ARHGAP39: variants seen among roughly 807,000 people sequenced by gnomAD.
ARHGAP39 encodes the protein Rho GTPase activating protein 39.
A neutral mutation model predicts 106.9 loss-of-function variants in ARHGAP39; 44 were observed. That is an observed-to-expected ratio of 0.41 (90% confidence interval 0.32 to 0.53). The LOEUF is 0.53. Ranked by LOEUF, ARHGAP39 falls within the 20% of genes least tolerant of loss-of-function variation. The probability of loss-of-function intolerance (pLI) is 0.21; values close to 1 mark genes in which losing one functional copy is unlikely to be tolerated. For synonymous variants in ARHGAP39, 768 were observed against 693.2 expected, an observed-to-expected ratio of 1.11 and a Z score of -1.69; for missense variants, 1,496 against 1,577.3, an observed-to-expected ratio of 0.95 and a Z score of 0.87.
At chr8:144,572,745 A>G (rs1818629514) in intron 3 of ARHGAP39, among the ~76,000 whole-genome samples, 1 of 152,244 alleles carries the variant, frequency 6.6e-6, no homozygotes, top group African/African-American at 2.4e-5. Context: ...AAGGGCTAAT[A>G]TCCAGAATCT....
At chr8:144,686,202 T>G (rs1046212916), upstream of ARHGAP39, among the ~76,000 whole-genome samples, 3 of 152,066 alleles carry the variant, frequency 2.0e-5, no homozygotes, top group Non-Finnish European at 4.4e-5. Context: ...GAGATTTCAC[T>G]TTTCTTCGAC....
Position 144,671,496 on chromosome 8 carries a change from C to T in ARHGAP39, c.-82+14190G>A, listed in dbSNP as rs1822098764. Among the ~76,000 whole-genome samples, 1 of 152,240 alleles carries T rather than the reference C, an allele frequency of 6.6e-6. No individual in the cohort carries two copies. Among genetic ancestry groups the T allele is most frequent in the East Asian group, 1.9e-4 (1 of 5,194 alleles). ...CTCTACACGCTGCAAACACCACCCTCCCACCTGCTCCCTGACCCCCAGATG... is the reference window on the plus strand; with the variant it reads ...CTCTACACGCTGCAAACACCACCCTTCCACCTGCTCCCTGACCCCCAGATG... On this transcript the variant is annotated intron_variant, in intron 1 of 11. Transcript: ENST00000377307. The surrounding 1 kb of genome is among the most constrained non-coding windows in gnomAD (Gnocchi z 4.5).
At position 144,591,727 on chromosome 8, in the gene ARHGAP39, C is replaced by T. The variant is rs560815009; in HGVS notation, c.81-10450G>A. ...TCAGGTCTGGGGTCAGAACTCAGGACGCACACCAAGGACAGGACCACATGG... is the reference window on the plus strand; with the variant it reads ...TCAGGTCTGGGGTCAGAACTCAGGATGCACACCAAGGACAGGACCACATGG... On this transcript the variant is annotated intron_variant, in intron 2 of 11. Transcript: ENST00000377307. The surrounding 1 kb of genome is among the most constrained non-coding windows in gnomAD (Gnocchi z 5.3). 1.1e-4 allele frequency among the ~76,000 whole-genome samples: 17 copies of T among 152,220 alleles called. No individual in the cohort carries two copies. Among genetic ancestry groups the T allele is most frequent in the Non-Finnish European group, 1.9e-4 (13 of 68,030 alleles).
chr8:144,673,658 C>T lies in ARHGAP39; in HGVS notation c.-82+12028G>A, dbSNP rs543006271. The stretch of plus-strand genomic sequence containing the variant: ...ATCCTTGGGGTGTCGCTTCACCAGC[C>T]AGAAACCGCTGTGGCCAGTGGTGCC... On this transcript the variant is annotated intron_variant, in intron 1 of 11. Transcript: ENST00000377307. 3.4e-4 allele frequency among the ~76,000 whole-genome samples: 51 copies of T among 152,210 alleles called. 1 individual carries two copies. Among genetic ancestry groups the T allele is most frequent in the Admixed American group, 6.5e-4 (10 of 15,282 alleles).
chr8:144,647,026 C>T lies in ARHGAP39; in HGVS notation c.-82+38660G>A, dbSNP rs1278746013. Among the ~76,000 whole-genome samples, 10 of 144,888 alleles carry T rather than the reference C, an allele frequency of 6.9e-5. No homozygotes were observed. The highest frequency in any genetic ancestry group is 1.2e-4 in the Non-Finnish European group (8 of 67,192). ...GCTTTATAGCCAGGCTGGAGTACAA[C>T]GACACCATCTCGGCTCACTGCAAGC... On this transcript the variant is annotated intron_variant, in intron 1 of 11. Coordinates refer to ENST00000377307, the MANE Select transcript of ARHGAP39 (RefSeq NM_025251.3). This position sits in a 1 kb window ranked among gnomAD's most constrained non-coding sequence, Gnocchi z 4.8.
At chr8:144,652,030 A>C (rs1821586163) in intron 1 of ARHGAP39, among the ~76,000 whole-genome samples, 1 of 152,216 alleles carries the variant, frequency 6.6e-6, no homozygotes, top group Non-Finnish European at 1.5e-5. Context: ...TTCATAACAC[A>C]GATACAAAAA....
chr8:144,544,541 G>T (rs1817327104), intron 6 of ARHGAP39, among the ~76,000 whole-genome samples: 1 of 152,248 alleles, frequency 6.6e-6, no homozygotes, highest in African/African-American at 2.4e-5. Context: ...GTGCCCTGTA[G>T]ATACCCATGA....
intron 1 of ARHGAP39, among the ~76,000 whole-genome samples, chr8:144,658,751 G>A (rs1398324248): frequency 1.3e-5 from 2 of 152,062 alleles, no homozygotes; most frequent in African/African-American, 4.8e-5. Context: ...GTCCTAGCCA[G>A]TGCAATAAGG....
intron 2 of ARHGAP39, among the ~76,000 whole-genome samples, chr8:144,594,088 C>CAAAAAAA (rs149748913): frequency 1.8e-5 from 1 of 56,914 alleles, no homozygotes. Context: ...GACTCCGTCT[C>CAAAAAAA]AAAAAAAAAA....
intron 2 of ARHGAP39, among the ~76,000 whole-genome samples, chr8:144,602,327 G>A (rs536804894): frequency 4.1e-4 from 59 of 143,542 alleles, no homozygotes; most frequent in African/African-American, 1.3e-3. Context: ...GGAGGCGTGC[G>A]TGCGAGCTCG....
Position 144,530,133 on chromosome 8 carries a change from G to A in ARHGAP39, c.*289C>T. 1 of 454,200 alleles carries A rather than the reference G, an allele frequency of 2.2e-6. No individual in the cohort carries two copies. Among genetic ancestry groups the A allele is most frequent in the South Asian group, 2.9e-5 (1 of 34,174 alleles). 28.1% of individuals were successfully genotyped at this position (454,200 alleles called of 1,614,324 possible). ...CAGCGTCGCTCGGCTCCAGGACACA[G>A]AAGGCACTTTCTCGGAGCTGACCCG... On this transcript the variant is annotated 3_prime_UTR_variant, in exon 12 of 12. Coordinates refer to ENST00000377307, the MANE Select transcript of ARHGAP39 (RefSeq NM_025251.3).
chr8:144,651,862 A>T (rs977026467), intron 1 of ARHGAP39, among the ~76,000 whole-genome samples: 3 of 152,188 alleles, frequency 2.0e-5, no homozygotes, highest in Non-Finnish European at 4.4e-5. Context: ...TGGTACTGGT[A>T]CAAAAACAGG....
At chr8:144,686,539 C>A (rs997684492), upstream of ARHGAP39, among the ~76,000 whole-genome samples, 10 of 152,214 alleles carry the variant, frequency 6.6e-5, no homozygotes, top group Non-Finnish European at 1.5e-4. Flanking sequence ...TGGACATTCC[C>A]TGGGTCCTCA....
intron 4 of ARHGAP39, among the ~76,000 whole-genome samples, chr8:144,553,382 C>T (rs1481822162): frequency 3.3e-5 from 5 of 152,200 alleles, no homozygotes; most frequent in Non-Finnish European, 5.9e-5. Flanking sequence ...GCAACTCTGG[C>T]GAGCGTGAGT....
intron 1 of ARHGAP39, among the ~76,000 whole-genome samples, chr8:144,619,412 G>A (rs1282005677): frequency 2.6e-5 from 4 of 152,156 alleles, no homozygotes; most frequent in South Asian, 2.1e-4. Context: ...GTGTGCGCCC[G>A]TGTGCGTGAG....
chr8:144,623,249 A>C (rs953845254), intron 1 of ARHGAP39, among the ~76,000 whole-genome samples: 2 of 152,232 alleles, frequency 1.3e-5, no homozygotes, highest in Admixed American at 1.3e-4. Flanking sequence ...AAACAAAAAT[A>C]ATCCAAAAGA....
intron 1 of ARHGAP39, among the ~76,000 whole-genome samples, chr8:144,657,072 G>A (rs1300667767): frequency 6.6e-6 from 1 of 151,866 alleles, no homozygotes; most frequent in Non-Finnish European, 1.5e-5. Flanking sequence ...GAACATTTAA[G>A]AACAATAATT....
intron 2 of ARHGAP39, 56 bp downstream of exon 2, chr8:144,605,479 G>C (rs1820250174): frequency 6.5e-7 from 1 of 1,550,266 alleles, no homozygotes; most frequent in Non-Finnish European, 8.9e-7. Flanking sequence ...CAGGAAGAAA[G>C]CAGTTCCACC....
chr8:144,560,261 C>T (rs914213700), intron 3 of ARHGAP39, among the ~76,000 whole-genome samples: 2 of 152,146 alleles, frequency 1.3e-5, no homozygotes, highest in African/African-American at 2.4e-5. Context: ...TGGTGAAACC[C>T]CCGTCTCTAC....
Sources: allele counts gnomAD v4.1 joint callset (sites outside exome capture counted in the v4.1 genomes callset), GRCh38; gene constraint gnomAD v4.1.1; non-coding constraint Gnocchi (gnomAD v3.1); transcripts MANE v1.5; gene names NCBI Gene and HGNC (gene_info 2026-07-23, HGNC 2026-07-21).